SPRY3: variants seen among roughly 807,000 people sequenced by gnomAD.
SPRY3 encodes the protein protein sprouty homolog 3.
SPRY3 carries 15 observed loss-of-function variants against 20.2 expected under a neutral mutation model. The ratio of observed to expected loss-of-function variants is 0.74; its 90% CI spans 0.50 to 1.14. The LOEUF is 1.14. SPRY3 is among the 50% of genes most tolerant of loss of function. The probability of loss-of-function intolerance (pLI) is 0.00; values close to 1 mark genes in which losing one functional copy is unlikely to be tolerated. For synonymous variants in SPRY3, 143 were observed against 136.5 expected (o/e 1.05, Z -0.33); for missense variants, 364 against 363.9 (o/e 1.00, Z 0.00).
chrX:155,742,174 G>T (rs2091206940), intron 2 of SPRY3, among the ~76,000 whole-genome samples: 1 of 151,830 alleles, frequency 6.6e-6, no homozygotes, highest in African/African-American at 2.4e-5. Flanking sequence ...ATGGAAAGCA[G>T]AAAAAAGCAG....
At chrX:155,781,633 T>C (rs1328451667), downstream of SPRY3, 1 of 167,024 alleles carries the variant, frequency 6.0e-6, no homozygotes, top group East Asian at 1.9e-4. Flanking sequence ...CCTTTGCTTT[T>C]CTCATCTGTA....
At chrX:155,736,050 A>G (rs1342369553) in intron 2 of SPRY3, among the ~76,000 whole-genome samples, 5 of 151,950 alleles carry the variant, frequency 3.3e-5, no homozygotes, top group Admixed American at 6.6e-5. Context: ...CTACTTTCAA[A>G]TAACACCATA....
At chrX:155,765,568 G>A (rs749358715) in intron 2 of SPRY3, among the ~76,000 whole-genome samples, 2 of 152,276 alleles carry the variant, frequency 1.3e-5, no homozygotes, top group African/African-American at 4.8e-5. Flanking sequence ...CTAGCCTTTA[G>A]TGAGTGGCCC....
At chrX:155,758,968 G>A (rs2091293724) in intron 2 of SPRY3, among the ~76,000 whole-genome samples, 1 of 152,102 alleles carries the variant, frequency 6.6e-6, no homozygotes, top group African/African-American at 2.4e-5. Context: ...TGCTCAAGCT[G>A]AGTGTAAGGG....
chrX:155,656,142 C>A (rs1161563740), intron 1 of SPRY3, among the ~76,000 whole-genome samples: 1 of 111,198 alleles, frequency 9.0e-6, no homozygotes, highest in Non-Finnish European at 1.9e-5. Context: ...GAATGTTGGC[C>A]TATCTTGCTA....
intron 2 of SPRY3, among the ~76,000 whole-genome samples, chrX:155,727,139 C>T (rs1038580327): frequency 2.6e-5 from 4 of 152,182 alleles, no homozygotes; most frequent in Non-Finnish European, 5.9e-5. Flanking sequence ...CCCCTACTCC[C>T]TTCTGGCTTG....
intron 2 of SPRY3, among the ~76,000 whole-genome samples, chrX:155,725,616 T>C (rs1349366258): frequency 4.6e-5 from 7 of 152,190 alleles, no homozygotes; most frequent in East Asian, 1.9e-4. Context: ...TAGAGGTGTT[T>C]ATAGTATTCT....
intron 1 of SPRY3, among the ~76,000 whole-genome samples, chrX:155,618,569 A>G (rs1246588880): frequency 7.2e-5 from 8 of 111,723 alleles, no homozygotes; most frequent in Non-Finnish European, 1.3e-4. Context: ...CCTGGGTTAT[A>G]TGCTATTTGC....
intron 2 of SPRY3, among the ~76,000 whole-genome samples, chrX:155,746,081 C>T (rs960589214): frequency 6.6e-6 from 1 of 152,064 alleles, no homozygotes; most frequent in Non-Finnish European, 1.5e-5. Flanking sequence ...GCAGCAGCAG[C>T]AGTGCTATCA....
intron 2 of SPRY3, among the ~76,000 whole-genome samples, chrX:155,765,520 T>C (rs955868689): frequency 1.6e-4 from 25 of 152,228 alleles, no homozygotes; most frequent in Non-Finnish European, 3.5e-4. Flanking sequence ...CACTTGAATG[T>C]CAATTCCAGG....
intron 2 of SPRY3, among the ~76,000 whole-genome samples, chrX:155,683,503 C>G (rs1272436586): frequency 2.7e-5 from 3 of 111,948 alleles, no homozygotes; most frequent in African/African-American, 9.8e-5. Flanking sequence ...ATGTACATTA[C>G]TTTTTAGACG....
intron 1 of SPRY3, among the ~76,000 whole-genome samples, chrX:155,648,947 A>G (rs1464512550): frequency 8.9e-6 from 1 of 112,074 alleles, no homozygotes; most frequent in Non-Finnish European, 1.9e-5. Context: ...ATCACCACTG[A>G]TCCAACAGAA....
rs898089354 is a variant in SPRY3 at position 155,751,965 on chromosome X, AAATAAAATAAAAT to A, written c.-281-15994_-281-15982del. Among the ~76,000 whole-genome samples the A allele has an allele frequency of 2.0e-5, 3 of 149,092 alleles. 1 individual carries two copies. Among genetic ancestry groups the A allele is most frequent in the African/African-American group, 7.4e-5 (3 of 40,654 alleles). On this transcript the variant is annotated intron_variant, in intron 2 of 3. Coordinates refer to ENST00000675360, the Ensembl canonical transcript of SPRY3. Reference sequence around the variant, plus strand: ...AAATAAAATAAAATAAAATAAAATAAAATAAAATAAAATAAAATAAAGGAAAGGAAAAGGAAAG... The same window carrying A: ...AAATAAAATAAAATAAAATAAAATAAAAAATAAAGGAAAGGAAAAGGAAAG...
chrX:155,772,256 G>A (rs1380683819), intron 3 of SPRY3, among the ~76,000 whole-genome samples: 2 of 152,156 alleles, frequency 1.3e-5, no homozygotes, highest in Non-Finnish European at 2.9e-5. Context: ...AGGTTTGCAT[G>A]AGGATATAGC....
chrX:155,685,539 A>G (rs1240559722), intron 2 of SPRY3, among the ~76,000 whole-genome samples: 1 of 65,184 alleles, frequency 1.5e-5, no homozygotes, highest in Non-Finnish European at 2.8e-5. Context: ...CCCATGAGTT[A>G]TTTTTCCTGA....
intron 2 of SPRY3, among the ~76,000 whole-genome samples, chrX:155,767,050 A>G (rs1255338076): frequency 6.6e-6 from 1 of 152,002 alleles, no homozygotes; most frequent in Non-Finnish European, 1.5e-5. Flanking sequence ...CCTCCTTAAA[A>G]TTGTTACTCT....
At chrX:155,742,129 C>T (rs1292260308) in intron 2 of SPRY3, among the ~76,000 whole-genome samples, 5 of 151,580 alleles carry the variant, frequency 3.3e-5, no homozygotes, top group African/African-American at 7.3e-5. Flanking sequence ...CATGTAGGCA[C>T]GAAATAAAGG....
intron 1 of SPRY3, among the ~76,000 whole-genome samples, chrX:155,632,049 ACT>A (rs782516788): frequency 2.7e-5 from 3 of 111,645 alleles, no homozygotes; most frequent in Non-Finnish European, 5.6e-5. Context: ...GAAGGAAGTA[ACT>A]CTAACAGCTT....
chrX:155,673,296 T>A (rs1378091617), intron 2 of SPRY3, among the ~76,000 whole-genome samples: 4 of 110,815 alleles, frequency 3.6e-5, no homozygotes, highest in African/African-American at 9.8e-5. Flanking sequence ...AGTCTTCATG[T>A]CATGAGAACA....
Sources: gnomAD v4.1 joint callset for allele counts (sites outside exome capture counted in the v4.1 genomes callset) on GRCh38, gnomAD v4.1.1 for gene constraint, MANE v1.5 for transcripts, NCBI Gene and HGNC (gene_info 2026-07-23, HGNC 2026-07-21) for gene names.